The following ALX4 variants were observed in gnomAD, a reference collection of about 807,000 sequenced individuals.
The protein encoded by ALX4 is homeobox protein aristaless-like 4.
ALX4 carries 22 observed loss-of-function variants against 40.6 expected under a neutral mutation model. The observed-to-expected ratio is 0.54, with a 90% CI of 0.39 to 0.77. The LOEUF (loss-of-function observed/expected upper bound fraction) is 0.77, where lower values mean the gene tolerates loss of function less well. ALX4 is among the 30% of genes least tolerant of loss of function. The pLI is 0.00. For missense variants in ALX4, 556 were observed against 564.8 expected (o/e 0.98, Z 0.16); for synonymous variants, 266 against 240.5 (o/e 1.11, Z -0.98).
In ALX4 at chr11:44,309,752, T is replaced by TGCG; in HGVS notation, c.308_310dup (p.Pro103dup). ...CGGCTGCTGCTGCTGCGGCTGCGGC[T>TGCG]GCGGCGGCGGCTGGGGCTGCGGGGT... On this transcript the variant is annotated inframe_insertion, in exon 1 of 4. Transcript: ENST00000652299. The TGCG allele has an allele frequency of 6.5e-7, 1 of 1,548,452 alleles. No individual in the cohort carries two copies. Among genetic ancestry groups the TGCG allele is most frequent in the Non-Finnish European group, 8.7e-7 (1 of 1,146,610 alleles).
chr11:44,293,160 GAA>G (rs1956381315), intron 1 of ALX4, among the ~76,000 whole-genome samples: 1 of 43,522 alleles, frequency 2.3e-5, no homozygotes, highest in Non-Finnish European at 4.5e-5. Context: ...AGGAAGGAAG[GAA>G]GGAAGGAAGC....
chr11:44,262,927 A>C lies in ALX4; in HGVS notation c.*1927T>G, dbSNP rs1229101708. 1 of 152,174 alleles carries C rather than the reference A, an allele frequency of 6.6e-6. No individual in the cohort carries two copies. 9.4% of individuals were successfully genotyped at this position (152,174 alleles called of 1,614,324 possible). On this transcript the variant is annotated 3_prime_UTR_variant, in exon 4 of 4. Transcript: ENST00000652299. ...CTCCAAATCCTCAAATATTTGAAAC[A>C]CTTAAAGCCAAGCCTCCAAGAACAT...
intron 1 of ALX4, among the ~76,000 whole-genome samples, chr11:44,284,574 G>C (rs561900115): frequency 1.3e-5 from 2 of 152,160 alleles, no homozygotes; most frequent in African/African-American, 4.8e-5. Context: ...CTGTACATCA[G>C]GCTTATGTGG....
At chr11:44,291,704 CCAAA>C (rs1956370455) in intron 1 of ALX4, among the ~76,000 whole-genome samples, 1 of 152,194 alleles carries the variant, frequency 6.6e-6, no homozygotes, top group Non-Finnish European at 1.5e-5. Flanking sequence ...TTGCGCCTGG[CCAAA>C]CAATTGAATT....
chr11:44,280,711 C>T (rs1338082600), intron 1 of ALX4, among the ~76,000 whole-genome samples: 1 of 152,246 alleles, frequency 6.6e-6, no homozygotes, highest in East Asian at 1.9e-4. Context: ...AATGCCTGCT[C>T]CACGGAGGGT....
At chr11:44,280,693 C>A (rs996720881) in intron 1 of ALX4, among the ~76,000 whole-genome samples, 5 of 152,258 alleles carry the variant, frequency 3.3e-5, no homozygotes, top group African/African-American at 9.6e-5. Context: ...ACCTACATCA[C>A]TGAGAGCAAT....
At chr11:44,306,275 A>G (rs767306066) in intron 1 of ALX4, among the ~76,000 whole-genome samples, 54 of 152,228 alleles carry the variant, frequency 3.5e-4, no homozygotes, top group Non-Finnish European at 6.0e-4. Context: ...AAGTTGGGGT[A>G]GGGACGCTTG....
intron 1 of ALX4, among the ~76,000 whole-genome samples, chr11:44,304,494 G>C (rs1014891030): frequency 1.3e-5 from 2 of 151,388 alleles, no homozygotes; most frequent in African/African-American, 2.4e-5. Flanking sequence ...GGCAGGGCGC[G>C]CCCCCCCCAT....
chr11:44,304,739 A>G (rs1956456313), intron 1 of ALX4, among the ~76,000 whole-genome samples: 1 of 152,192 alleles, frequency 6.6e-6, no homozygotes, highest in South Asian at 2.1e-4. Flanking sequence ...AGGCGCTGAG[A>G]CCGAGAAGAA....
chr11:44,305,029 G>A (rs536335851), intron 1 of ALX4, among the ~76,000 whole-genome samples: 2 of 152,320 alleles, frequency 1.3e-5, no homozygotes, highest in South Asian at 4.1e-4. Flanking sequence ...ACAAAATGGG[G>A]TCCCCGGTGC....
At chr11:44,309,303 C>G (rs969012849) in intron 1 of ALX4, among the ~76,000 whole-genome samples, 1 of 152,138 alleles carries the variant, frequency 6.6e-6, no homozygotes, top group Non-Finnish European at 1.5e-5. Flanking sequence ...CTTCAAATCC[C>G]GCCCAGCGGG....
chr11:44,295,152 T>G (rs1229253482), intron 1 of ALX4, among the ~76,000 whole-genome samples: 1 of 152,178 alleles, frequency 6.6e-6, no homozygotes. Flanking sequence ...CACCTGGCTT[T>G]GTCCTTGCCT....
chr11:44,288,175 A>G (rs1036598287), intron 1 of ALX4, among the ~76,000 whole-genome samples: 2 of 152,142 alleles, frequency 1.3e-5, no homozygotes, highest in African/African-American at 4.8e-5. Flanking sequence ...GGCATGAGCC[A>G]CTGCGCCCAG....
chr11:44,306,776 G>C (rs1956471109), intron 1 of ALX4, among the ~76,000 whole-genome samples: 1 of 152,158 alleles, frequency 6.6e-6, no homozygotes, highest in Non-Finnish European at 1.5e-5. Context: ...TGCTGGCAGG[G>C]TAGGGATCCC....
chr11:44,274,649 T>G (rs1294229281), intron 2 of ALX4, among the ~76,000 whole-genome samples: 1 of 152,070 alleles, frequency 6.6e-6, no homozygotes, highest in Non-Finnish European at 1.5e-5. Flanking sequence ...TTGCACTGAG[T>G]TGGGTTGAGT....
intron 1 of ALX4, among the ~76,000 whole-genome samples, chr11:44,293,916 G>A (rs1450462366): frequency 6.6e-6 from 1 of 152,186 alleles, no homozygotes; most frequent in Non-Finnish European, 1.5e-5. Flanking sequence ...TGGTGTCTGG[G>A]CGGTCAGGGG....
chr11:44,286,825 G>A (rs1288386108), intron 1 of ALX4, among the ~76,000 whole-genome samples: 4 of 152,130 alleles, frequency 2.6e-5, no homozygotes, highest in African/African-American at 7.2e-5. Flanking sequence ...AAAGTGAGGC[G>A]CCGAGAGAAG....
chr11:44,298,991 T>C (rs192173482), intron 1 of ALX4, among the ~76,000 whole-genome samples: 49 of 152,232 alleles, frequency 3.2e-4, no homozygotes, highest in Admixed American at 2.3e-3. Flanking sequence ...ATCTACTATA[T>C]AGACTAGCTC....
intron 1 of ALX4, among the ~76,000 whole-genome samples, chr11:44,293,078 G>A (rs1956379381): frequency 6.7e-6 from 1 of 149,478 alleles, no homozygotes; most frequent in African/African-American, 2.5e-5. Context: ...CAGCCTGGGT[G>A]ATAGTGAGAC....
Sources: allele counts gnomAD v4.1 joint callset (sites outside exome capture counted in the v4.1 genomes callset), GRCh38; gene constraint gnomAD v4.1.1; transcripts MANE v1.5; gene names NCBI Gene and HGNC (gene_info 2026-07-23, HGNC 2026-07-21).